FNIP1: variants seen among roughly 807,000 people sequenced by gnomAD.
FNIP1 encodes folliculin-interacting protein 1.
FNIP1 carries 40 observed loss-of-function variants against 124.5 expected under a neutral mutation model. The ratio of observed to expected loss-of-function variants is 0.32; its 90% CI spans 0.25 to 0.42. FNIP1 has a LOEUF of 0.42. FNIP1 is among the 10% of genes least tolerant of loss of function. The pLI is 1.00. For missense variants in FNIP1, 1,176 were observed against 1,403.7 expected (o/e 0.84, Z 2.59); for synonymous variants, 472 against 470.6 (o/e 1.00, Z -0.04).
At chr5:131,693,004 T>TA (rs1301147923) in intron 11 of FNIP1, among the ~76,000 whole-genome samples, 51 of 143,536 alleles carry the variant, frequency 3.6e-4, no homozygotes, top group African/African-American at 9.8e-4. Flanking sequence ...TGAGACTGTC[T>TA]AAAAAAAAAA....
In FNIP1 at chr5:131,763,113, G is replaced by T. The variant is rs113458316; in HGVS notation, c.93-18423C>A. Among the ~76,000 whole-genome samples, 500 of 152,204 alleles carry T rather than the reference G, an allele frequency of 3.3e-3. 2 individuals are homozygous for T. Among genetic ancestry groups the T allele is most frequent in the African/African-American group, 0.012 (479 of 41,500 alleles). On this transcript the variant is annotated intron_variant, in intron 1 of 17. Transcript: ENST00000510461. ...ATCTAGTGTTTGATAGCACAACAGG[G>T]TGACTACAGTCAACAAGAATTTATT...
chr5:131,780,867 G>A (rs1771973818), intron 1 of FNIP1, among the ~76,000 whole-genome samples: 2 of 152,156 alleles, frequency 1.3e-5, no homozygotes, highest in African/African-American at 4.8e-5. Context: ...TCCAGTGAAA[G>A]AAAGAGTTGC....
At chr5:131,792,310 G>GC (rs1772434332) in intron 1 of FNIP1, among the ~76,000 whole-genome samples, 1 of 151,912 alleles carries the variant, frequency 6.6e-6, no homozygotes, top group African/African-American at 2.4e-5. Flanking sequence ...ACAGGCGCCC[G>GC]CCACCACACC....
intron 1 of FNIP1, among the ~76,000 whole-genome samples, chr5:131,752,432 C>T (rs1051163837): frequency 2.0e-5 from 3 of 151,718 alleles, no homozygotes; most frequent in East Asian, 3.9e-4. Context: ...GGTGATTATG[C>T]CACCTTAGGT....
At position 131,737,428 on chromosome 5, in the gene FNIP1, T is replaced by A. The variant is rs183028420; in HGVS notation, c.220-6390A>T. Reference sequence around the variant, plus strand: ...TCCCTTTTCTTCCTCTAGCAAACTTTTGTTTCAGAGATTGGACATACAGGG... The same window carrying A: ...TCCCTTTTCTTCCTCTAGCAAACTTATGTTTCAGAGATTGGACATACAGGG... On this transcript the variant is annotated intron_variant, in intron 2 of 17. Coordinates refer to ENST00000510461, the MANE Select transcript of FNIP1 (RefSeq NM_133372.3). Among the ~76,000 whole-genome samples the A allele has an allele frequency of 2.0e-5, 3 of 152,328 alleles. No individual in the cohort carries two copies. The East Asian group carries it at 5.8e-4, about 29-fold the overall frequency.
At chr5:131,770,745 G>A (rs1236392378) in intron 1 of FNIP1, among the ~76,000 whole-genome samples, 1 of 152,140 alleles carries the variant, frequency 6.6e-6, no homozygotes, top group Non-Finnish European at 1.5e-5. Flanking sequence ...TAGGGATAAT[G>A]TTTCTCTCTT....
intron 1 of FNIP1, among the ~76,000 whole-genome samples, chr5:131,768,793 C>T (rs1395370388): frequency 2.0e-5 from 3 of 151,936 alleles, no homozygotes; most frequent in East Asian, 1.9e-4. Context: ...AGCAAGACTT[C>T]GTCTCAAAAA....
chr5:131,738,834 G>A (rs1250299323), intron 2 of FNIP1, among the ~76,000 whole-genome samples: 7 of 146,964 alleles, frequency 4.8e-5, no homozygotes, highest in Non-Finnish European at 7.5e-5. Flanking sequence ...TTTGGCCAGC[G>A]GGGAGAGGGT....
Position 131,796,958 on chromosome 5 carries a change from G to A in FNIP1, c.-37C>T, listed in dbSNP as rs1278885038. On this transcript the variant is annotated 5_prime_UTR_variant, in exon 1 of 18. Coordinates refer to ENST00000510461, the MANE Select transcript of FNIP1 (RefSeq NM_133372.3). ...CCAGGCAGGGGTCGCTCCGCTGGGC[G>A]CTTGCTAGGCCCCTGCTCCTACAGC... The A allele has an allele frequency of 1.3e-6, 2 of 1,551,412 alleles. No individual in the cohort carries two copies. Among genetic ancestry groups the A allele is most frequent in the South Asian group, 2.3e-5 (2 of 85,360 alleles).
chr5:131,789,900 C>G (rs1212397705), intron 1 of FNIP1, among the ~76,000 whole-genome samples: 3 of 152,226 alleles, frequency 2.0e-5, no homozygotes, highest in African/African-American at 7.2e-5. Context: ...CTCTTCCATT[C>G]TGTAGTTTTA....
intron 15 of FNIP1, among the ~76,000 whole-genome samples, chr5:131,654,177 C>T (rs1034514898): frequency 2.0e-5 from 3 of 152,206 alleles, no homozygotes; most frequent in African/African-American, 4.8e-5. Flanking sequence ...TACCTTCCCC[C>T]GGTTTACAAA....
Position 131,643,533 on chromosome 5 carries a change from T to C in FNIP1, c.*1152A>G, listed in dbSNP as rs1216041413. The stretch of plus-strand genomic sequence containing the variant: ...TTCTATTTACATTACTTACAAGAGT[T>C]TGGTTCCATATTAGCCTTTCTTACA... On this transcript the variant is annotated 3_prime_UTR_variant, in exon 18 of 18. Coordinates refer to ENST00000510461, the MANE Select transcript of FNIP1 (RefSeq NM_133372.3). 6.5e-6 allele frequency: 1 copy of C among 152,750 alleles called. No homozygotes were observed. Among genetic ancestry groups the C allele is most frequent in the African/African-American group, 2.4e-5 (1 of 41,442 alleles). 9.5% of individuals were successfully genotyped at this position (152,750 alleles called of 1,614,324 possible).
intron 1 of FNIP1, among the ~76,000 whole-genome samples, chr5:131,781,751 T>TA (rs1772003697): frequency 6.6e-6 from 1 of 152,310 alleles, no homozygotes; most frequent in Admixed American, 6.5e-5. Context: ...AGATTAATGT[T>TA]ATCATGCCTG....
chr5:131,776,842 A>G (rs929737667), intron 1 of FNIP1, among the ~76,000 whole-genome samples: 8 of 152,200 alleles, frequency 5.3e-5, no homozygotes, highest in African/African-American at 1.9e-4. Context: ...CTGGGTGCTT[A>G]TTATATATTA....
chr5:131,716,505 A>C, intron 6 of FNIP1, 60 bp downstream of exon 6: 1 of 1,192,692 alleles, frequency 8.4e-7, no homozygotes, highest in Non-Finnish European at 1.2e-6. Flanking sequence ...AATAACTTCA[A>C]AAAACACTTG....
At chr5:131,677,603 A>C in intron 13 of FNIP1, 100 bp downstream of exon 13, 1 of 1,102,606 alleles carries the variant, frequency 9.1e-7, no homozygotes, top group Non-Finnish European at 1.3e-6. Context: ...AGAATGCAGG[A>C]GGTAAAAGCA....
chr5:131,705,177 A>C lies in FNIP1; in HGVS notation c.915-911T>G, dbSNP rs184203959. 3.2e-3 allele frequency among the ~76,000 whole-genome samples: 483 copies of C among 152,278 alleles called. 3 individuals carry two copies. Among genetic ancestry groups the C allele is most frequent in the African/African-American group, 0.011 (460 of 41,568 alleles). Reference sequence around the variant, plus strand: ...TATACAAATAGCCAATAAGCACAAGAAAAGATGATCAAGTCAGATGTGGTG... The same window carrying C: ...TATACAAATAGCCAATAAGCACAAGCAAAGATGATCAAGTCAGATGTGGTG... On this transcript the variant is annotated intron_variant, in intron 9 of 17. Coordinates refer to ENST00000510461, the MANE Select transcript of FNIP1 (RefSeq NM_133372.3).
chr5:131,734,603 C>G (rs1770221599), intron 2 of FNIP1, among the ~76,000 whole-genome samples: 1 of 152,006 alleles, frequency 6.6e-6, no homozygotes, highest in Non-Finnish European at 1.5e-5. Flanking sequence ...AGAACTCAAA[C>G]AAATTTACAA....
rs59097834 is a variant in FNIP1 at position 131,657,736 on chromosome 5, C to CAAAAA, written c.3109-5742_3109-5738dup. On this transcript the variant is annotated intron_variant, in intron 15 of 17. Coordinates refer to ENST00000510461, the MANE Select transcript of FNIP1 (RefSeq NM_133372.3). ...ATGATGAAAGAGCTTGAAAATAAGG[C>CAAAAA]AAAAAAAAAAAAAAAAAAAAAACGG... is the stretch of plus-strand genomic sequence containing the variant. Among the ~76,000 whole-genome samples the CAAAAA allele has an allele frequency of 1.1e-3, 69 of 65,038 alleles. 3 individuals carry two copies. Among genetic ancestry groups the CAAAAA allele is most frequent in the South Asian group, 4.0e-3 (5 of 1,238 alleles). 42.7% of individuals were successfully genotyped at this position (65,038 alleles called of 152,430 possible). A position where few individuals can be genotyped will look rare whatever the true frequency, so the allele number is the denominator to read the frequency against.
Sources: gnomAD v4.1 joint callset for allele counts (sites outside exome capture counted in the v4.1 genomes callset) on GRCh38, gnomAD v4.1.1 for gene constraint, MANE v1.5 for transcripts, NCBI Gene and HGNC (gene_info 2026-07-23, HGNC 2026-07-21) for gene names.